NTM: variants seen among roughly 807,000 people sequenced by gnomAD.
NTM encodes the protein neurotrimin, also known as IgLON family member 2.
A neutral mutation model predicts 42.1 loss-of-function variants in NTM; 13 were observed. The observed-to-expected ratio is 0.31, with a 90% confidence interval of 0.20 to 0.49. The LOEUF is 0.49. NTM is among the 20% of genes least tolerant of loss of function. NTM has a pLI of 0.99. For missense variants in NTM, 373 were observed against 452.8 expected (o/e 0.82, Z 1.60); for synonymous variants, 187 against 179.2 (o/e 1.04, Z -0.35).
chr11:131,591,761 C>A (rs748129901), intron 1 of NTM, among the ~76,000 whole-genome samples: 2 of 152,162 alleles, frequency 1.3e-5, no homozygotes, highest in Admixed American at 1.3e-4. Flanking sequence ...ATACCCAGAG[C>A]GCTAATGTGC....
chr11:132,146,298 C>T lies in NTM; in HGVS notation c.184C>T (p.Arg62Trp), dbSNP rs1349372881. The change falls in exon 3 of 9, where the codon CGG becomes TGG. Residue 62 changes from arginine (R) to tryptophan (W), a missense_variant. Arg to Trp is a moderately radical substitution (Grantham distance 101). Transcript: ENST00000683400. This position sits in a 1 kb window ranked among gnomAD's most constrained non-coding sequence, Gnocchi z 4.5. ...TCCCTTCAGGTGCACTATTGACAAC[C>T]GGGTCACCCGGGTGGCCTGGCTAAA... ...SATLRCTIDN[R>W]VTRVAWLNRS... The T allele has an allele frequency of 5.0e-6, 8 of 1,614,194 alleles. No homozygotes were observed. Among genetic ancestry groups the T allele is most frequent in the South Asian group, 1.1e-5 (1 of 91,082 alleles).
At chr11:131,658,292 G>A (rs2067465692) in intron 1 of NTM, among the ~76,000 whole-genome samples, 1 of 152,170 alleles carries the variant, frequency 6.6e-6, no homozygotes, top group South Asian at 2.1e-4. Context: ...GAATGAATAA[G>A]AACTTAAGGG....
intron 1 of NTM, among the ~76,000 whole-genome samples, chr11:131,564,762 TA>T (rs1198869210): frequency 1.3e-5 from 2 of 152,224 alleles, no homozygotes; most frequent in Non-Finnish European, 2.9e-5. Flanking sequence ...GTGACTTTAA[TA>T]TTCATTTTCC....
intron 1 of NTM, chr11:131,671,534 TGGGCTGGC>T: frequency 1.0e-6 from 1 of 981,236 alleles, no homozygotes; most frequent in African/African-American, 1.9e-5. Context: ...CACCCTCCTC[TGGGCTGGC>T]AGGGCCTACC....
At chr11:132,158,410 T>A (rs2073649839) in intron 3 of NTM, among the ~76,000 whole-genome samples, 2 of 152,230 alleles carry the variant, frequency 1.3e-5, no homozygotes, top group African/African-American at 4.8e-5. Flanking sequence ...CAACCCCACA[T>A]CATCACACCC....
At chr11:131,545,410 G>T (rs1484335434) in intron 1 of NTM, among the ~76,000 whole-genome samples, 1 of 150,526 alleles carries the variant, frequency 6.6e-6, no homozygotes, top group Non-Finnish European at 1.5e-5. Flanking sequence ...TTTCCTTTTA[G>T]TCACAATAAA....
chr11:131,581,689 A>G (rs2058425699), intron 1 of NTM, among the ~76,000 whole-genome samples: 1 of 152,170 alleles, frequency 6.6e-6, no homozygotes. Flanking sequence ...TGAACACTTA[A>G]CACAAGTGAC....
intron 1 of NTM, among the ~76,000 whole-genome samples, chr11:131,854,671 G>A (rs1319637135): frequency 2.0e-5 from 3 of 152,188 alleles, no homozygotes; most frequent in African/African-American, 7.2e-5. Flanking sequence ...ATTAGGCCAC[G>A]ATAAGGAGTT....
rs543540986 is a variant in NTM, at chr11:131,986,172, C to T, written c.167+74524C>T. On this transcript the variant is annotated intron_variant, in intron 2 of 8. Transcript: ENST00000683400. ...AGAACCCCATCTGGCCTATTGGAAA[C>T]AGTTTCAAAGTTGAAACATCAACCA... is the stretch of plus-strand genomic sequence containing the variant. Among the ~76,000 whole-genome samples, 8 of 152,338 alleles carry T rather than the reference C, an allele frequency of 5.3e-5. No individual in the cohort carries two copies. The East Asian group carries it at 1.5e-3, about 29-fold the overall frequency.
rs930545398 is a variant in NTM at position 131,573,628 on chromosome 11, C to G, written c.82+202740C>G. The G allele has an allele frequency of 3.9e-5, 6 of 152,128 alleles. No homozygotes were observed. The South Asian group carries it at 1.2e-3, about 32-fold the overall frequency. 9.4% of individuals were successfully genotyped at this position (152,128 alleles called of 1,614,324 possible). On this transcript the variant is annotated intron_variant, in intron 1 of 8. Transcript: ENST00000683400. The stretch of plus-strand genomic sequence containing the variant: ...AAACAGTTCCCCCTCCTATGATTGC[C>G]GGGGAGAAGCTGGAAGAAAAAGAAA...
chr11:131,929,659 C>T (rs76722130), intron 2 of NTM, among the ~76,000 whole-genome samples: 14,592 of 152,212 alleles, frequency 0.096, 747 homozygotes, highest in East Asian at 0.21. Context: ...GGACAAAGCT[C>T]ATTTCTGCAG....
chr11:131,374,830 A>G (rs2135481665), intron 1 of NTM, among the ~76,000 whole-genome samples: 1 of 152,302 alleles, frequency 6.6e-6, no homozygotes, highest in Non-Finnish European at 1.5e-5. Flanking sequence ...TCTGACGTGT[A>G]CAGAAAACAC....
intron 1 of NTM, among the ~76,000 whole-genome samples, chr11:131,890,110 G>T: frequency 6.6e-6 from 1 of 151,370 alleles, no homozygotes; most frequent in East Asian, 1.9e-4. Flanking sequence ...GCAGAAATAT[G>T]CACAGCACAC....
At chr11:131,500,218 G>A (rs2046568570) in intron 1 of NTM, among the ~76,000 whole-genome samples, 1 of 152,178 alleles carries the variant, frequency 6.6e-6, no homozygotes, top group African/African-American at 2.4e-5. Context: ...CAGCTGAGAA[G>A]TACGCGGACT....
chr11:132,289,015 C>A (rs1294629075), intron 4 of NTM, among the ~76,000 whole-genome samples: 3 of 152,136 alleles, frequency 2.0e-5, no homozygotes, highest in Non-Finnish European at 4.4e-5. Flanking sequence ...AAAACTCAGT[C>A]CTAGTTTTTC....
At chr11:132,223,879 CAGGT>C (rs956232675) in intron 4 of NTM, among the ~76,000 whole-genome samples, 1 of 152,110 alleles carries the variant, frequency 6.6e-6, no homozygotes, top group Non-Finnish European at 1.5e-5. Flanking sequence ...AAGATGAGGC[CAGGT>C]AGGTGACAGC....
intron 2 of NTM, among the ~76,000 whole-genome samples, chr11:132,124,650 T>G (rs10750499): frequency 0.71 from 108,374 of 152,182 alleles, 39,218 homozygotes; most frequent in African/African-American, 0.85. Context: ...GCGGGGTTGC[T>G]TGGGTAATTT....
intron 1 of NTM, among the ~76,000 whole-genome samples, chr11:131,810,081 C>T (rs546551380): frequency 1.8e-4 from 27 of 152,190 alleles, no homozygotes; most frequent in Admixed American, 1.1e-3. Context: ...GCTGCCCATT[C>T]GTCTTCTCGA....
intron 1 of NTM, among the ~76,000 whole-genome samples, chr11:131,571,379 G>A (rs772260163): frequency 1.3e-5 from 2 of 152,106 alleles, no homozygotes; most frequent in Non-Finnish European, 2.9e-5. Context: ...CTGTAGAGTA[G>A]GTATTATGCC....
Sources: allele counts gnomAD v4.1 joint callset (sites outside exome capture counted in the v4.1 genomes callset), GRCh38; gene constraint gnomAD v4.1.1; non-coding constraint Gnocchi (gnomAD v3.1); transcripts MANE v1.5; gene names NCBI Gene and HGNC (gene_info 2026-07-23, HGNC 2026-07-21).